CNTNAP2: variants seen among roughly 807,000 people sequenced by gnomAD.
The protein encoded by CNTNAP2 is contactin-associated protein-like 2.
In CNTNAP2, 98 loss-of-function variants were observed where a neutral mutation model predicts 155.2. The observed-to-expected ratio is 0.63, with a 90% confidence interval of 0.54 to 0.75. The LOEUF is 0.75. CNTNAP2 is among the 30% of genes least tolerant of loss of function. CNTNAP2 has a pLI of 0.00. For missense variants in CNTNAP2, 1,727 were observed against 1,688.1 expected, an observed-to-expected ratio of 1.02 and a Z score of -0.40; for synonymous variants, 651 against 631.2, an observed-to-expected ratio of 1.03 and a Z score of -0.47.
chr7:146,259,152 G>GT (rs1350209495), intron 1 of CNTNAP2, among the ~76,000 whole-genome samples: 1 of 152,176 alleles, frequency 6.6e-6, no homozygotes, highest in East Asian at 1.9e-4. Context: ...TACTGTGATT[G>GT]TAAGTTTCCT....
chr7:147,008,421 G>C (rs966735298), intron 3 of CNTNAP2, among the ~76,000 whole-genome samples: 4 of 152,028 alleles, frequency 2.6e-5, no homozygotes, highest in African/African-American at 4.8e-5. Context: ...CCTGGTGTGG[G>C]AACCAGTTTG....
At chr7:146,214,221 A>C (rs985710510) in intron 1 of CNTNAP2, among the ~76,000 whole-genome samples, 23 of 152,212 alleles carry the variant, frequency 1.5e-4, no homozygotes, top group African/African-American at 5.1e-4. Flanking sequence ...AAAATCCCTA[A>C]GGATGTGATA....
chr7:146,280,414 C>T (rs1486143515), intron 1 of CNTNAP2, among the ~76,000 whole-genome samples: 1 of 151,982 alleles, frequency 6.6e-6, no homozygotes, highest in Non-Finnish European at 1.5e-5. Context: ...TTTCACGTCT[C>T]AAGGAATTAA....
At chr7:146,559,738 G>T (rs1007670490) in intron 1 of CNTNAP2, among the ~76,000 whole-genome samples, 4 of 151,954 alleles carry the variant, frequency 2.6e-5, no homozygotes, top group African/African-American at 9.7e-5. Context: ...ATAGATTTCA[G>T]CCCATTGCTA....
chr7:147,925,152 AGAGAAGGAAGGAAGGAAGGAAG>A (rs772838632), intron 14 of CNTNAP2, among the ~76,000 whole-genome samples: 40 of 107,526 alleles, frequency 3.7e-4, no homozygotes, highest in East Asian at 2.4e-3. Context: ...AGAGAGAGAG[AGAGAAGGAAGGAAGGAAGGAAG>A]GAAGGAAGGA....
At chr7:146,275,473 A>G (rs1800149205) in intron 1 of CNTNAP2, among the ~76,000 whole-genome samples, 1 of 152,078 alleles carries the variant, frequency 6.6e-6, no homozygotes, top group African/African-American at 2.4e-5. Flanking sequence ...ATGATATGAT[A>G]TAAAGAACAC....
intron 13 of CNTNAP2, among the ~76,000 whole-genome samples, chr7:147,824,559 G>A (rs1427579363): frequency 6.6e-6 from 1 of 152,096 alleles, no homozygotes. Context: ...GTTTTGGCAT[G>A]TCTGTATCGC....
chr7:146,120,669 G>A (rs903674278), intron 1 of CNTNAP2, among the ~76,000 whole-genome samples: 3 of 152,088 alleles, frequency 2.0e-5, no homozygotes, highest in African/African-American at 7.2e-5. Context: ...TTATAATGGA[G>A]CTGTCATATA....
intron 2 of CNTNAP2, among the ~76,000 whole-genome samples, chr7:146,776,833 ACT>A (rs1163511137): frequency 6.6e-6 from 1 of 152,156 alleles, no homozygotes; most frequent in Non-Finnish European, 1.5e-5. Context: ...GTATTTATCT[ACT>A]CATACAGAGA....
chr7:148,405,584 G>GT (rs1447439660), intron 22 of CNTNAP2, among the ~76,000 whole-genome samples: 1 of 134,998 alleles, frequency 7.4e-6, no homozygotes, highest in African/African-American at 2.8e-5. Context: ...CTACAGGCAC[G>GT]TGCCACCATG....
intron 1 of CNTNAP2, among the ~76,000 whole-genome samples, chr7:146,735,398 A>G (rs891873339): frequency 6.6e-6 from 1 of 152,104 alleles, no homozygotes; most frequent in Non-Finnish European, 1.5e-5. Context: ...TAAAAAATAC[A>G]AAAACAACTA....
intron 3 of CNTNAP2, among the ~76,000 whole-genome samples, chr7:146,964,652 T>C (rs1262457135): frequency 6.6e-6 from 1 of 152,210 alleles, no homozygotes; most frequent in Non-Finnish European, 1.5e-5. Flanking sequence ...GGGGCAAATG[T>C]TAAATTTTTG....
At chr7:146,677,018 T>C (rs1800411558) in intron 1 of CNTNAP2, among the ~76,000 whole-genome samples, 1 of 152,208 alleles carries the variant, frequency 6.6e-6, no homozygotes, top group African/African-American at 2.4e-5. Context: ...GACATGCCCA[T>C]CACACAACCT....
intron 1 of CNTNAP2, among the ~76,000 whole-genome samples, chr7:146,457,344 A>G (rs2129123690): frequency 6.6e-6 from 1 of 151,726 alleles, no homozygotes; most frequent in African/African-American, 2.4e-5. Flanking sequence ...TAATGTCATC[A>G]AGGGACTGCA....
intron 2 of CNTNAP2, among the ~76,000 whole-genome samples, chr7:146,817,470 CA>C (rs35732528): frequency 0.035 from 4,775 of 135,198 alleles, 134 homozygotes; most frequent in African/African-American, 0.083. Context: ...GAAACTCCAT[CA>C]AAAAAAAAAA....
chr7:147,263,640 T>C (rs1804543352), intron 8 of CNTNAP2, among the ~76,000 whole-genome samples: 1 of 152,198 alleles, frequency 6.6e-6, no homozygotes, highest in Non-Finnish European at 1.5e-5. Flanking sequence ...TTACAGTATA[T>C]GATTTCAGTG....
chr7:146,858,003 T>A (rs778342018), intron 3 of CNTNAP2, among the ~76,000 whole-genome samples: 1 of 152,094 alleles, frequency 6.6e-6, no homozygotes, highest in Admixed American at 6.6e-5. Flanking sequence ...TCAGAATAAG[T>A]TTGAAAGTGG....
chr7:148,202,834 A>G lies in CNTNAP2; in HGVS notation c.3011-14454A>G, dbSNP rs115003206. ...ACTGTGCTGGGGATACAGTCCAATCATTCATTCAAGGCTCTGTGTAGTCAT... is the reference window on the plus strand; with the variant it reads ...ACTGTGCTGGGGATACAGTCCAATCGTTCATTCAAGGCTCTGTGTAGTCAT... On this transcript the variant is annotated intron_variant, in intron 18 of 23. Transcript: ENST00000361727. Among the ~76,000 whole-genome samples the G allele has an allele frequency of 3.3e-3, 503 of 152,302 alleles. 4 individuals are homozygous for G. The highest frequency in any genetic ancestry group is 0.011 in the African/African-American group (467 of 41,558).
intron 1 of CNTNAP2, among the ~76,000 whole-genome samples, chr7:146,629,527 C>T (rs1799476411): frequency 1.3e-5 from 2 of 152,008 alleles, no homozygotes; most frequent in African/African-American, 4.8e-5. Context: ...TATATAAAAT[C>T]TTCTAAATAA....
Sources: allele counts gnomAD v4.1 joint callset (sites outside exome capture counted in the v4.1 genomes callset), GRCh38; gene constraint gnomAD v4.1.1; transcripts MANE v1.5; gene names NCBI Gene and HGNC (gene_info 2026-07-23, HGNC 2026-07-21).